The following SPAG16 variants were observed in gnomAD, a reference collection of about 807,000 sequenced individuals.
SPAG16 encodes the protein sperm associated antigen 16.
In SPAG16, 86 loss-of-function variants were observed where a neutral mutation model predicts 80.4. The observed-to-expected ratio is 1.07, with a 90% CI of 0.90 to 1.28. The LOEUF (loss-of-function observed/expected upper bound fraction) is 1.28, where lower values mean the gene tolerates loss of function less well. SPAG16 is among the 50% of genes most tolerant of loss of function. The probability of loss-of-function intolerance (pLI) is 0.00; values close to 1 mark genes in which losing one functional copy is unlikely to be tolerated. For synonymous variants in SPAG16, 294 were observed against 265.9 expected, an observed-to-expected ratio of 1.11 and a Z score of -1.03; for missense variants, 870 against 765.3, an observed-to-expected ratio of 1.14 and a Z score of -1.61.
chr2:214,247,842 G>T (rs1207320074), intron 15 of SPAG16, among the ~76,000 whole-genome samples: 1 of 152,028 alleles, frequency 6.6e-6, no homozygotes, highest in Non-Finnish European at 1.5e-5. Flanking sequence ...GACCAGCTTG[G>T]GCAACAGAGT....
At chr2:214,164,090 C>A (rs2056558178) in intron 15 of SPAG16, among the ~76,000 whole-genome samples, 1 of 152,072 alleles carries the variant, frequency 6.6e-6, no homozygotes, top group South Asian at 2.1e-4. Flanking sequence ...CCTTGTCTTT[C>A]CCTTGATGAT....
intron 1 of SPAG16, among the ~76,000 whole-genome samples, chr2:213,295,169 A>G (rs144716173): frequency 7.8e-4 from 119 of 152,294 alleles, no homozygotes; most frequent in African/African-American, 2.7e-3. Context: ...ACCATGCATT[A>G]AAGTGTTTAA....
chr2:213,989,580 C>T (rs927668423), intron 12 of SPAG16, among the ~76,000 whole-genome samples: 1 of 152,042 alleles, frequency 6.6e-6, no homozygotes, highest in African/African-American at 2.4e-5. Flanking sequence ...GGATAGACCA[C>T]AGCCAGGAAC....
intron 15 of SPAG16, among the ~76,000 whole-genome samples, chr2:214,205,035 C>G (rs1271799558): frequency 1.3e-5 from 2 of 152,126 alleles, no homozygotes; most frequent in Non-Finnish European, 2.9e-5. Context: ...TTGAGACCAG[C>G]ATGGCCAACA....
chr2:213,889,099 T>C (rs1054557757), intron 11 of SPAG16, among the ~76,000 whole-genome samples: 1 of 152,018 alleles, frequency 6.6e-6, no homozygotes, highest in Non-Finnish European at 1.5e-5. Context: ...TCATAAGGTA[T>C]ATTTCCAAAT....
intron 10 of SPAG16, among the ~76,000 whole-genome samples, chr2:213,819,218 G>A (rs1463898210): frequency 2.0e-5 from 3 of 152,074 alleles, no homozygotes; most frequent in Non-Finnish European, 4.4e-5. Context: ...GTATCTGAAC[G>A]CCCAATTCCA....
chr2:213,515,283 C>G (rs1051979007), intron 10 of SPAG16, among the ~76,000 whole-genome samples: 1 of 152,144 alleles, frequency 6.6e-6, no homozygotes, highest in African/African-American at 2.4e-5. Flanking sequence ...CCTCCAAAGT[C>G]ACTCAATTCT....
At chr2:213,408,043 GAGAC>G (rs1478579241) in intron 9 of SPAG16, among the ~76,000 whole-genome samples, 1 of 150,388 alleles carries the variant, frequency 6.6e-6, no homozygotes, top group Non-Finnish European at 1.5e-5. Flanking sequence ...GAGGCAGAGA[GAGAC>G]AGGCAGAGAG....
intron 15 of SPAG16, among the ~76,000 whole-genome samples, chr2:214,408,454 A>T (rs1243807632): frequency 1.3e-5 from 2 of 152,178 alleles, no homozygotes; most frequent in Non-Finnish European, 2.9e-5. Context: ...TGGACACTCT[A>T]ATCCATCCTA....
At chr2:213,971,150 G>A (rs12477048) in intron 12 of SPAG16, among the ~76,000 whole-genome samples, 45,222 of 151,978 alleles carry the variant, frequency 0.3, 6,857 homozygotes, top group South Asian at 0.36. Context: ...CAAAACTTAT[G>A]TTTAATACAT....
chr2:213,409,786 T>C (rs185717314), intron 9 of SPAG16, among the ~76,000 whole-genome samples: 35 of 152,282 alleles, frequency 2.3e-4, no homozygotes, highest in Admixed American at 1.4e-3. Flanking sequence ...CTAATAAAAA[T>C]AGGTGCTAAA....
intron 9 of SPAG16, among the ~76,000 whole-genome samples, chr2:213,431,195 G>A (rs888692452): frequency 6.6e-6 from 1 of 151,678 alleles, no homozygotes. Context: ...TAGCATAACA[G>A]GACTCCACCA....
chr2:213,780,141 G>A (rs1246220899), intron 10 of SPAG16, among the ~76,000 whole-genome samples: 1 of 152,072 alleles, frequency 6.6e-6, no homozygotes, highest in Admixed American at 6.5e-5. Flanking sequence ...CCTTGCTTTG[G>A]CTGCTCTTCA....
At chr2:214,160,485 C>T (rs1430977827) in intron 15 of SPAG16, among the ~76,000 whole-genome samples, 1 of 151,526 alleles carries the variant, frequency 6.6e-6, no homozygotes, top group African/African-American at 2.4e-5. Context: ...TTTTATCATC[C>T]TTTTTTTTCT....
chr2:213,788,751 T>C (rs2070498622), intron 10 of SPAG16, among the ~76,000 whole-genome samples: 1 of 151,916 alleles, frequency 6.6e-6, no homozygotes, highest in Admixed American at 6.6e-5. Flanking sequence ...ACTCAATTAT[T>C]AATAAATGCT....
intron 15 of SPAG16, among the ~76,000 whole-genome samples, chr2:214,355,105 G>T (rs1272471147): frequency 2.6e-5 from 4 of 151,610 alleles, no homozygotes; most frequent in Non-Finnish European, 2.9e-5. Context: ...CAGGACATAG[G>T]CATGGGCAAG....
At chr2:214,137,035 A>G (rs1268462293) in intron 14 of SPAG16, among the ~76,000 whole-genome samples, 1 of 152,142 alleles carries the variant, frequency 6.6e-6, no homozygotes, top group Admixed American at 6.5e-5. Flanking sequence ...AAATTAGATC[A>G]CTTGACAGGT....
rs71037338 is a variant in SPAG16 at position 214,093,427 on chromosome 2, G to GTATA, written c.1528-14759_1528-14756dup. Among the ~76,000 whole-genome samples, 13 of 150,886 alleles carry GTATA rather than the reference G, an allele frequency of 8.6e-5. No individual in the cohort carries two copies. In the East Asian group the frequency reaches 1.8e-3, roughly 20 times the overall value. On this transcript the variant is annotated intron_variant, in intron 13 of 15. Transcript: ENST00000331683. ...ATTTAATCTCTTCTATCATTCTAAT[G>GTATA]TATATATATATATTTCACTTGATTA...
intron 14 of SPAG16, among the ~76,000 whole-genome samples, chr2:214,114,570 A>T (rs1355589159): frequency 6.6e-6 from 1 of 152,180 alleles, no homozygotes; most frequent in Non-Finnish European, 1.5e-5. Flanking sequence ...CTGTACTAGC[A>T]GTGAGCAAGG....
Sources: allele counts gnomAD v4.1 joint callset (sites outside exome capture counted in the v4.1 genomes callset), GRCh38; gene constraint gnomAD v4.1.1; transcripts MANE v1.5; gene names NCBI Gene and HGNC (gene_info 2026-07-23, HGNC 2026-07-21).